WRAP53: variants seen among roughly 807,000 people sequenced by gnomAD.
The protein encoded by WRAP53 is WD repeat containing antisense to TP53.
In WRAP53, 28 loss-of-function variants were observed where a neutral mutation model predicts 56.6. The ratio of observed to expected loss-of-function variants is 0.50; its 90% CI spans 0.37 to 0.68. WRAP53 has a LOEUF of 0.68. WRAP53 is among the 30% of genes least tolerant of loss of function. WRAP53 has a pLI of 0.00. For missense variants in WRAP53, 671 were observed against 715.5 expected (o/e 0.94, Z 0.71); for synonymous variants, 283 against 283.4 (o/e 1.00, Z 0.01).
upstream of WRAP53, chr17:7,688,371 G>C: frequency 1.9e-6 from 1 of 521,358 alleles, no homozygotes. Flanking sequence ...CGGGTTCCGT[G>C]GGTCGCCCGC....
At chr17:7,699,522 T>TATATATATATTAATATATATATAAA (rs1567577715) in intron 4 of WRAP53, among the ~76,000 whole-genome samples, 1 of 14,110 alleles carries the variant, frequency 7.1e-5, no homozygotes, top group Non-Finnish European at 1.2e-4. Context: ...ATATATATAT[T>TATATATATATTAATATATATATAAA]TATATATATA....
At chr17:7,697,421 G>A (rs1392461109) in intron 4 of WRAP53, among the ~76,000 whole-genome samples, 1 of 152,172 alleles carries the variant, frequency 6.6e-6, no homozygotes, top group Non-Finnish European at 1.5e-5. Flanking sequence ...ACTTTGGGAG[G>A]CCGAGGTAGG....
In WRAP53 at chr17:7,689,639, C is replaced by G. The variant is rs766034158; in HGVS notation, c.580C>G (p.Arg194Gly). 2 of 1,614,036 alleles carry G rather than the reference C, an allele frequency of 1.2e-6. No individual in the cohort carries two copies. The highest frequency in any genetic ancestry group is 1.7e-4 in the Middle Eastern group (1 of 6,060). ...GACCAATAGTGCTGATAACATCTTGCGAATTTATAACCTGCCCCCAGAGCT... is the reference window on the plus strand; with the variant it reads ...GACCAATAGTGCTGATAACATCTTGGGAATTTATAACCTGCCCCCAGAGCT... ...ILTNSADNILRIYNLPPELYH... is the reference protein window; with the variant it reads ...ILTNSADNILGIYNLPPELYH... The change falls in exon 4 of 11, where the codon CGA becomes GGA. Residue 194 changes from arginine (R) to glycine (G), a missense_variant. Arg to Gly is a moderately radical substitution (Grantham distance 125). This residue lies in a region of WRAP53 where 406 missense variants were observed against 418.5 expected (regional missense o/e 0.97). Transcript: ENST00000396463.
At chr17:7,686,744 C>T (rs1321001962), upstream of WRAP53, 1 of 152,320 alleles carries the variant, frequency 6.6e-6, no homozygotes, top group African/African-American at 2.4e-5. Flanking sequence ...CGACGGTCCT[C>T]CTCGGCCTGG....
chr17:7,693,793 T>C (rs1392907228), intron 4 of WRAP53, among the ~76,000 whole-genome samples: 1 of 152,206 alleles, frequency 6.6e-6, no homozygotes, highest in Non-Finnish European at 1.5e-5. Flanking sequence ...TAAACACTAG[T>C]AGTCACTGGT....
At chr17:7,697,651 T>C (rs2074204397) in intron 4 of WRAP53, among the ~76,000 whole-genome samples, 1 of 151,678 alleles carries the variant, frequency 6.6e-6, no homozygotes, top group South Asian at 2.1e-4. Flanking sequence ...AGAGAAAGAC[T>C]CTGTCTCAAA....
rs770340314 is a variant in WRAP53, at chr17:7,689,719, C to T, written c.642+18C>T. Reference sequence around the variant, plus strand: ...CAGAAATGGTAAGGACTGGGGCTAACTGCCTCTTCATCAATGCTGCACATT... The same window carrying T: ...CAGAAATGGTAAGGACTGGGGCTAATTGCCTCTTCATCAATGCTGCACATT... On this transcript the variant is annotated intron_variant, in intron 4 of 10. Coordinates refer to ENST00000396463, the MANE Select transcript of WRAP53 (RefSeq NM_001143992.2). 10 of 1,584,928 alleles carry T rather than the reference C, an allele frequency of 6.3e-6. No individual in the cohort carries two copies. The East Asian group carries it at 2.2e-4, about 35-fold the overall frequency.
chr17:7,691,282 C>T (rs924213353), intron 4 of WRAP53, among the ~76,000 whole-genome samples: 1 of 151,964 alleles, frequency 6.6e-6, no homozygotes, highest in Non-Finnish European at 1.5e-5. Flanking sequence ...TATAGCCAGA[C>T]TGAGGCAAGT....
intron 4 of WRAP53, among the ~76,000 whole-genome samples, chr17:7,697,574 G>T (rs1281555374): frequency 6.6e-6 from 1 of 151,668 alleles, no homozygotes; most frequent in Non-Finnish European, 1.5e-5. Context: ...CATGAGAGTC[G>T]CTTGAACCCA....
chr17:7,696,449 C>T (rs1699373289), intron 4 of WRAP53, among the ~76,000 whole-genome samples: 1 of 152,024 alleles, frequency 6.6e-6, no homozygotes, highest in Non-Finnish European at 1.5e-5. Context: ...CAGGCGCCCG[C>T]CACCACGCCT....
chr17:7,701,785 A>G lies in WRAP53; in HGVS notation c.951A>G (p.Thr317=). 6.2e-7 allele frequency: 1 copy of G among 1,613,918 alleles called. No individual in the cohort carries two copies. Among genetic ancestry groups the G allele is most frequent in the African/African-American group, 1.3e-5 (1 of 75,052 alleles). Residue 317 remains threonine, a synonymous_variant, in exon 7 of 11, where the codon ACA becomes ACG. Coordinates refer to ENST00000396463, the MANE Select transcript of WRAP53 (RefSeq NM_001143992.2). This position sits in a 1 kb window ranked among gnomAD's most constrained non-coding sequence, Gnocchi z 4.2. The stretch of plus-strand genomic sequence containing the variant: ...GCCGAGACTGCGAGGTCCGAGCCAC[A>G]TTTGGTAAGCATCTGTGCCTCCAAG... ...RPGRDCEVRA[T]FAKKQGQSGI...
chr17:7,687,749 G>A, upstream of WRAP53: 1 of 397,506 alleles, frequency 2.5e-6, no homozygotes, highest in Non-Finnish European at 4.4e-6. Context: ...GGCAGAATTG[G>A]TGGAAATCAT....
At position 7,688,959 on chromosome 17, in the gene WRAP53, T is replaced by A; in HGVS notation, c.311T>A (p.Leu104His). ...CAAGAACTTTCTGAAAATACAAGCC[T>A]TCCTGCAGAAGAAGCAAACGGGAGC... Reference protein sequence around the residue: ...EEQELSENTSLPAEEANGSLS... With the variant: ...EEQELSENTSHPAEEANGSLS... Residue 104 changes from leucine (L) to histidine (H), a missense_variant, in exon 2 of 11, where the codon CTT (leucine) becomes CAT (histidine). Around this residue, in one of 3 missense-constraint regions of WRAP53, gnomAD observed 406 missense variants for 418.5 expected, o/e 0.97. Coordinates refer to ENST00000396463, the MANE Select transcript of WRAP53 (RefSeq NM_001143992.2). 6.2e-7 allele frequency: 1 copy of A among 1,614,086 alleles called. No homozygotes were observed. Among genetic ancestry groups the A allele is most frequent in the South Asian group, 1.1e-5 (1 of 91,086 alleles).
rs1217524065 is a variant in WRAP53 at position 7,703,194 on chromosome 17, A to G, written c.1404-49A>G. Reference sequence around the variant, plus strand: ...GAGGGAGGTGAATCCCAGAGGGAGCAAGTGTCCTCACTGAAGGCACTGATA... The same window carrying G: ...GAGGGAGGTGAATCCCAGAGGGAGCGAGTGTCCTCACTGAAGGCACTGATA... On this transcript the variant is annotated intron_variant, in intron 10 of 10. Coordinates refer to ENST00000396463, the MANE Select transcript of WRAP53 (RefSeq NM_001143992.2). 3.1e-6 allele frequency: 5 copies of G among 1,613,334 alleles called. No homozygotes were observed. In the East Asian group the frequency reaches 8.9e-5, roughly 29 times the overall value.
At position 7,688,761 on chromosome 17, in the gene WRAP53, C is replaced by T; in HGVS notation, c.113C>T (p.Ser38Phe). ...HASPMNKNAD[S>F]ELMPPPPERG... ...TCCCCGATGAATAAAAATGCGGACT[C>T]TGAACTGATGCCACCGCCTCCCGAA... Residue 38 changes from serine (S) to phenylalanine (F), a missense_variant, in exon 2 of 11, where the codon TCT becomes TTT. Coordinates refer to ENST00000396463, the MANE Select transcript of WRAP53 (RefSeq NM_001143992.2). 2.5e-6 allele frequency: 4 copies of T among 1,614,182 alleles called. No homozygotes were observed. Among genetic ancestry groups the T allele is most frequent in the South Asian group, 1.1e-5 (1 of 91,088 alleles).
Position 7,701,567 on chromosome 17 carries a change from C to A in WRAP53, c.822+18C>A. The A allele has an allele frequency of 6.2e-7, 1 of 1,614,268 alleles. No homozygotes were observed. The highest frequency in any genetic ancestry group is 8.5e-7 in the Non-Finnish European group (1 of 1,180,048). Reference sequence around the variant, plus strand: ...ACCACCTGGTAGGGACCGCCATACTCAGCCCCAGCACTCGTACTGGCCCGG... The same window carrying A: ...ACCACCTGGTAGGGACCGCCATACTAAGCCCCAGCACTCGTACTGGCCCGG... On this transcript the variant is annotated intron_variant, in intron 6 of 10. Transcript: ENST00000396463. This position sits in a 1 kb window ranked among gnomAD's most constrained non-coding sequence, Gnocchi z 4.2.
intron 4 of WRAP53, among the ~76,000 whole-genome samples, chr17:7,697,389 G>A (rs558791819): frequency 7.5e-4 from 114 of 152,120 alleles, no homozygotes; most frequent in African/African-American, 2.6e-3. Flanking sequence ...GTCAGGCATG[G>A]TGGCTCACAC....
intron 4 of WRAP53, among the ~76,000 whole-genome samples, chr17:7,693,533 A>G (rs1314707382): frequency 6.6e-6 from 1 of 152,116 alleles, no homozygotes; most frequent in Non-Finnish European, 1.5e-5. Context: ...GACCTGGCCA[A>G]CATAGTGAAA....
intron 4 of WRAP53, 149 bp from the exon 5 acceptor site, chr17:7,700,592 T>A: frequency 2.8e-6 from 2 of 717,092 alleles, no homozygotes; most frequent in Non-Finnish European, 2.6e-6. Flanking sequence ...GTGGCTAAAT[T>A]TGACATTAAA....
Sources: gnomAD v4.1 joint callset for allele counts (sites outside exome capture counted in the v4.1 genomes callset) on GRCh38, gnomAD v4.1.1 for gene constraint, gnomAD v4.1.1 regional missense constraint, Gnocchi (gnomAD v3.1) non-coding constraint, MANE v1.5 for transcripts, NCBI Gene and HGNC (gene_info 2026-07-23, HGNC 2026-07-21) for gene names.